The following NT5DC1 variants were observed in gnomAD, a reference collection of about 807,000 sequenced individuals.
NT5DC1 encodes the protein 5'-nucleotidase domain-containing protein 1.
In NT5DC1, 42 loss-of-function variants were observed where a neutral mutation model predicts 59.4. The observed-to-expected ratio is 0.71, with a 90% CI of 0.55 to 0.92. NT5DC1 has a LOEUF of 0.92. Among genes scored for constraint, NT5DC1 ranks in the 40% least tolerant of loss-of-function variants. The pLI, the probability that NT5DC1 is intolerant of heterozygous loss-of-function variation, is 0.00. For missense variants in NT5DC1, 501 were observed against 537.1 expected (o/e 0.93, Z 0.66); for synonymous variants, 172 against 188.1 (o/e 0.91, Z 0.70).
At chr6:116,225,936 G>T (rs73770704) in intron 8 of NT5DC1, among the ~76,000 whole-genome samples, 4 of 152,112 alleles carry the variant, frequency 2.6e-5, no homozygotes, top group Admixed American at 1.3e-4. Flanking sequence ...AACTTTGGAG[G>T]GGGGTGGAGG....
rs1196325276 is a variant in NT5DC1, at chr6:116,246,434, CCCA to C, written c.*2414_*2416del. On this transcript the variant is annotated 3_prime_UTR_variant, in exon 12 of 12. Transcript: ENST00000319550. ...CTAAACTGAAATCAAGTATTATTTC[CCCA>C]CCAATATTCATATCCAAAAATAACT... The C allele has an allele frequency of 5.3e-5, 8 of 150,498 alleles. No individual in the cohort carries two copies. Among genetic ancestry groups the C allele is most frequent in the African/African-American group, 2.0e-4 (8 of 40,768 alleles). The allele number at this position is 150,498 out of a possible 1,614,324, so 9.3% of individuals were successfully genotyped here.
chr6:116,185,533 A>G (rs1780977097), intron 6 of NT5DC1, among the ~76,000 whole-genome samples: 1 of 151,892 alleles, frequency 6.6e-6, no homozygotes, highest in African/African-American at 2.4e-5. Context: ...CTGTTTTATA[A>G]ATTTGGGAGC....
intron 6 of NT5DC1, among the ~76,000 whole-genome samples, chr6:116,163,679 G>GT (rs1357028998): frequency 3.9e-5 from 6 of 151,968 alleles, no homozygotes; most frequent in Admixed American, 6.6e-5. Flanking sequence ...GTTCGTTCTT[G>GT]TTTTTCTAGT....
At chr6:116,121,867 T>C in intron 6 of NT5DC1, 3 of 1,613,976 alleles carry the variant, frequency 1.9e-6, no homozygotes, top group Non-Finnish European at 2.5e-6. Context: ...TTCCGTAGCC[T>C]GGTTTTCCTG....
At chr6:116,130,820 A>G (rs1357130567) in intron 6 of NT5DC1, among the ~76,000 whole-genome samples, 11 of 152,088 alleles carry the variant, frequency 7.2e-5, no homozygotes, top group Non-Finnish European at 2.9e-5. Context: ...TCATTTGTTT[A>G]TTCCATGATA....
intron 1 of NT5DC1, among the ~76,000 whole-genome samples, chr6:116,104,094 G>A (rs1251040587): frequency 6.6e-6 from 1 of 152,086 alleles, no homozygotes; most frequent in African/African-American, 2.4e-5. Flanking sequence ...GCTGGGGGAG[G>A]AATGTCATGG....
intron 6 of NT5DC1, among the ~76,000 whole-genome samples, chr6:116,153,404 G>C (rs956966605): frequency 2.0e-5 from 3 of 152,100 alleles, no homozygotes; most frequent in Admixed American, 2.0e-4. Flanking sequence ...GTTGTCAGAT[G>C]ATACATTCAG....
At chr6:116,108,676 C>T (rs774119950) in intron 3 of NT5DC1, among the ~76,000 whole-genome samples, 32 of 152,152 alleles carry the variant, frequency 2.1e-4, no homozygotes, top group Admixed American at 9.8e-4. Flanking sequence ...GTAGGACATA[C>T]AATAGAAAGT....
intron 7 of NT5DC1, among the ~76,000 whole-genome samples, 191 bp from the exon 8 acceptor site, chr6:116,222,843 A>G (rs546792206): frequency 6.6e-6 from 1 of 152,354 alleles, no homozygotes; most frequent in South Asian, 2.1e-4. Flanking sequence ...CAGGAAGACT[A>G]GTACTCACCC....
chr6:116,103,404 G>A (rs1241591370), intron 1 of NT5DC1, among the ~76,000 whole-genome samples: 2 of 151,926 alleles, frequency 1.3e-5, no homozygotes, highest in Non-Finnish European at 2.9e-5. Context: ...TGTATCCAGG[G>A]CAACTAAGCG....
intron 7 of NT5DC1, among the ~76,000 whole-genome samples, chr6:116,221,827 G>T (rs1176406524): frequency 6.6e-6 from 1 of 152,150 alleles, no homozygotes; most frequent in Non-Finnish European, 1.5e-5. Flanking sequence ...TTCCTTGTGG[G>T]TATGAGGGGA....
intron 4 of NT5DC1, among the ~76,000 whole-genome samples, chr6:116,113,573 G>T (rs780056962): frequency 6.6e-6 from 1 of 152,192 alleles, no homozygotes; most frequent in Admixed American, 6.5e-5. Context: ...CAAGCAGCCT[G>T]GCCCAGTTAA....
rs2114573111 is a variant in NT5DC1, at chr6:116,248,803, AGAAAT to A, written c.*4781_*4785del. On this transcript the variant is annotated 3_prime_UTR_variant, in exon 12 of 12. Transcript: ENST00000319550. ...AATTAAGGAAGGAAAAGCAATACAA[AGAAAT>A]GGAGCAGGGCTATAGCAGTGAACCA... The A allele has an allele frequency of 6.6e-6, 1 of 152,390 alleles. No homozygotes were observed. Among genetic ancestry groups the A allele is most frequent in the South Asian group, 2.1e-4 (1 of 4,826 alleles). 9.4% of individuals were successfully genotyped at this position (152,390 alleles called of 1,614,324 possible). A position where few individuals can be genotyped will look rare whatever the true frequency, so the allele number is the denominator to read the frequency against.
Position 116,117,913 on chromosome 6 carries a change from T to A in NT5DC1, c.497T>A (p.Ile166Lys), listed in dbSNP as rs1323260076. The change falls in exon 6 of 12, where the codon ATA (isoleucine) becomes AAA (lysine). Residue 166 changes from isoleucine to lysine, a missense_variant. By Grantham distance (102) the Ile-to-Lys change is moderately radical. Coordinates refer to ENST00000319550, the MANE Select transcript of NT5DC1 (RefSeq NM_152729.3). Reference protein sequence around the residue: ...FDFWKDIVAAIQHNYKMSAFK... With the variant: ...FDFWKDIVAAKQHNYKMSAFK... Reference sequence around the variant, plus strand: ...TTTTGGAAGGATATAGTTGCTGCTATACAACACAATTATAAAATGTCAGCT... The same window carrying A: ...TTTTGGAAGGATATAGTTGCTGCTAAACAACACAATTATAAAATGTCAGCT... 1 of 1,581,072 alleles carries A rather than the reference T, an allele frequency of 6.3e-7. No homozygotes were observed. Among genetic ancestry groups the A allele is most frequent in the Non-Finnish European group, 8.7e-7 (1 of 1,150,014 alleles).
At chr6:116,193,398 C>G (rs1373337088) in intron 6 of NT5DC1, among the ~76,000 whole-genome samples, 2 of 152,060 alleles carry the variant, frequency 1.3e-5, no homozygotes, top group Non-Finnish European at 2.9e-5. Context: ...AAGCAAAGAA[C>G]ACTGACGTTT....
chr6:116,147,408 C>T (rs933125442), intron 6 of NT5DC1, among the ~76,000 whole-genome samples: 1 of 151,528 alleles, frequency 6.6e-6, no homozygotes, highest in Non-Finnish European at 1.5e-5. Context: ...TGCCATTGCA[C>T]TCCAACCTGG....
chr6:116,143,274 G>T (rs1348936278), intron 6 of NT5DC1, among the ~76,000 whole-genome samples: 3 of 151,984 alleles, frequency 2.0e-5, no homozygotes, highest in Non-Finnish European at 2.9e-5. Flanking sequence ...GCAGTGGCGC[G>T]ATTTTGGCTC....
chr6:116,200,989 G>A (rs1781335334), intron 6 of NT5DC1, among the ~76,000 whole-genome samples: 1 of 151,924 alleles, frequency 6.6e-6, no homozygotes, highest in South Asian at 2.1e-4. Flanking sequence ...GTTCTCAAGA[G>A]GAATGGAAAA....
intron 9 of NT5DC1, chr6:116,237,446 C>G (rs938365833): frequency 6.5e-6 from 3 of 465,090 alleles, no homozygotes; most frequent in African/African-American, 2.0e-5. Context: ...ACAGCAGAAC[C>G]CTTTCTTCTA....
Sources: allele counts gnomAD v4.1 joint callset (sites outside exome capture counted in the v4.1 genomes callset), GRCh38; gene constraint gnomAD v4.1.1; transcripts MANE v1.5; gene names NCBI Gene and HGNC (gene_info 2026-07-23, HGNC 2026-07-21).